SNX25: variants seen among roughly 807,000 people sequenced by gnomAD.
SNX25 encodes the protein sorting nexin-25.
A neutral mutation model predicts 113.7 loss-of-function variants in SNX25; 62 were observed. That is an observed-to-expected ratio of 0.55 (90% confidence interval 0.44 to 0.67). SNX25 has a LOEUF of 0.67. SNX25 is among the 30% of genes least tolerant of loss of function. The pLI is 0.00. For missense variants in SNX25, 1,014 were observed against 1,161.0 expected (o/e 0.87, Z 1.84); for synonymous variants, 421 against 436.2 (o/e 0.97, Z 0.43).
At chr4:185,226,274 G>A (rs1740986240) in intron 1 of SNX25, among the ~76,000 whole-genome samples, 1 of 152,134 alleles carries the variant, frequency 6.6e-6, no homozygotes, top group Non-Finnish European at 1.5e-5. Context: ...TGTCATCACT[G>A]CATTATAACA....
chr4:185,312,114 C>A (rs1000226004), intron 7 of SNX25, among the ~76,000 whole-genome samples: 3 of 152,246 alleles, frequency 2.0e-5, no homozygotes, highest in Middle Eastern at 3.4e-3. Flanking sequence ...AGATTAATTT[C>A]TAGCCACATT....
rs150633371 is a variant in SNX25 at position 185,309,410 on chromosome 4, G to A, written c.1163-1225G>A. 1.1e-4 allele frequency among the ~76,000 whole-genome samples: 16 copies of A among 152,280 alleles called. No homozygotes were observed. The South Asian group carries it at 2.1e-3, about 20-fold the overall frequency. On this transcript the variant is annotated intron_variant, in intron 6 of 18. Transcript: ENST00000652585. ...AGAGGCAGATTGTCAGAGGGACATC[G>A]TAAAAAGAGCATGTGAGATGGAAGA...
chr4:185,291,671 G>T (rs948744267), intron 6 of SNX25, among the ~76,000 whole-genome samples: 6 of 152,150 alleles, frequency 3.9e-5, no homozygotes, highest in Non-Finnish European at 7.4e-5. Flanking sequence ...GCAATCCTTG[G>T]TGTTCCCTGG....
At chr4:185,224,530 T>G (rs796682532) in intron 1 of SNX25, among the ~76,000 whole-genome samples, 83,542 of 127,996 alleles carry the variant, frequency 0.65, 26,914 homozygotes, top group East Asian at 0.73. Flanking sequence ...TATATATACA[T>G]ATATATAAAT....
chr4:185,272,642 G>T (rs1408756722), intron 5 of SNX25, among the ~76,000 whole-genome samples: 1 of 152,130 alleles, frequency 6.6e-6, no homozygotes, highest in Non-Finnish European at 1.5e-5. Context: ...AACTAATATT[G>T]AGATTCTCTT....
intron 5 of SNX25, among the ~76,000 whole-genome samples, chr4:185,274,360 A>G (rs59056553): frequency 9.0e-4 from 137 of 152,316 alleles, no homozygotes; most frequent in African/African-American, 3.3e-3. Flanking sequence ...TGCCCAGCCA[A>G]CACTGGCTGT....
chr4:185,240,521 G>T, intron 1 of SNX25, among the ~76,000 whole-genome samples: 2 of 149,622 alleles, frequency 1.3e-5, no homozygotes, highest in Admixed American at 1.3e-4. Flanking sequence ...CTGGGCGGGG[G>T]GCTGACCCCC....
chr4:185,306,013 T>C (rs1019856376), intron 6 of SNX25, among the ~76,000 whole-genome samples: 1 of 152,192 alleles, frequency 6.6e-6, no homozygotes, highest in African/African-American at 2.4e-5. Context: ...ATTAACCCAG[T>C]TTCTAACAAT....
downstream of SNX25, chr4:185,374,456 T>C: frequency 6.2e-7 from 1 of 1,604,178 alleles, no homozygotes; most frequent in African/African-American, 1.3e-5. Flanking sequence ...AGTCCACCCC[T>C]TTCTCCTTCG....
chr4:185,320,772 C>T lies in SNX25; in HGVS notation c.1384C>T (p.Arg462Ter), dbSNP rs1463629176. ...FEDILANTFY[R>*]EHFGMYMERM... ...AGATATCTTGGCCAATACGTTCTAC[C>T]GAGAGCACTTTGGAATGTACATGGA... Residue 462 changes from arginine (R) to a stop codon, truncating the protein, a stop_gained, in exon 8 of 19, where the codon CGA becomes TGA. Transcript: ENST00000652585. LOFTEE classifies it high-confidence loss of function. 5.0e-6 allele frequency: 8 copies of T among 1,597,730 alleles called. No individual in the cohort carries two copies. Among genetic ancestry groups the T allele is most frequent in the South Asian group, 3.4e-5 (3 of 87,832 alleles).
intron 1 of SNX25, among the ~76,000 whole-genome samples, chr4:185,211,067 T>C (rs549609338): frequency 1.3e-5 from 2 of 152,326 alleles, no homozygotes; most frequent in South Asian, 4.1e-4. Flanking sequence ...GATACCATCA[T>C]TCTAATGAAA....
At chr4:185,355,105 T>G (rs1460794934) in intron 15 of SNX25, among the ~76,000 whole-genome samples, 2 of 152,176 alleles carry the variant, frequency 1.3e-5, no homozygotes, top group Non-Finnish European at 2.9e-5. Context: ...GATGAAAAAA[T>G]TTCAAGTGCA....
At chr4:185,343,572 A>G (rs765316093) in intron 12 of SNX25, among the ~76,000 whole-genome samples, 50 of 152,326 alleles carry the variant, frequency 3.3e-4, no homozygotes, top group Non-Finnish European at 6.0e-4. Context: ...GTCATAGGAC[A>G]TGTACATAGT....
At chr4:185,348,729 A>G (rs1395979050) in intron 13 of SNX25, among the ~76,000 whole-genome samples, 1 of 152,150 alleles carries the variant, frequency 6.6e-6, no homozygotes, top group Non-Finnish European at 1.5e-5. Flanking sequence ...GAGAACATTA[A>G]AAAACCTTTC....
chr4:185,373,560 C>A (rs181618537), downstream of SNX25, among the ~76,000 whole-genome samples: 1 of 152,320 alleles, frequency 6.6e-6, no homozygotes, highest in Non-Finnish European at 1.5e-5. Flanking sequence ...TACTCTGCTA[C>A]AGTGAATTTG....
At position 185,342,036 on chromosome 4, in the gene SNX25, G is replaced by A. The variant is rs1410112841; in HGVS notation, c.2107G>A (p.Val703Ile). ...CYFVMVSLQE[V>I]GGVETKNWTV... ...CTTTGTCATGGTAAGCCTACAAGAA[G>A]TTGGAGGAGTTGAAACTAAGAACTG... Residue 703 changes from valine (V) to isoleucine (I), a missense_variant, in exon 12 of 19, where the codon GTT becomes ATT. Physicochemically the swap from Val to Ile is conservative, Grantham distance 29. Transcript: ENST00000652585. The A allele has an allele frequency of 1.9e-6, 3 of 1,611,532 alleles. No homozygotes were observed. In the African/African-American group the frequency reaches 4.0e-5, roughly 22 times the overall value.
chr4:185,244,406 G>T (rs1371685541), intron 1 of SNX25, among the ~76,000 whole-genome samples: 1 of 152,176 alleles, frequency 6.6e-6, no homozygotes, highest in Non-Finnish European at 1.5e-5. Context: ...TAGCAGTGTA[G>T]ACCTCTGAAA....
chr4:185,307,245 G>T (rs1445092989), intron 6 of SNX25, among the ~76,000 whole-genome samples: 1 of 152,362 alleles, frequency 6.6e-6, no homozygotes, highest in South Asian at 2.1e-4. Flanking sequence ...GAGGTCTCCA[G>T]CTGGGAGGAT....
At chr4:185,280,191 C>T (rs1279475694) in intron 5 of SNX25, among the ~76,000 whole-genome samples, 1 of 152,188 alleles carries the variant, frequency 6.6e-6, no homozygotes, top group Non-Finnish European at 1.5e-5. Flanking sequence ...ATTGGAATTA[C>T]AGACGTGAGC....
Sources: allele counts gnomAD v4.1 joint callset (sites outside exome capture counted in the v4.1 genomes callset), GRCh38; gene constraint gnomAD v4.1.1; transcripts MANE v1.5; gene names NCBI Gene and HGNC (gene_info 2026-07-23, HGNC 2026-07-21).